ELAVL4: variants seen among roughly 807,000 people sequenced by gnomAD.
ELAVL4 encodes the protein ELAV-like protein 4.
In ELAVL4, 1 loss-of-function variant was observed where a neutral mutation model predicts 35.6. The ratio of observed to expected loss-of-function variants is 0.03; its 90% CI spans 0.01 to 0.13. The LOEUF (loss-of-function observed/expected upper bound fraction) is 0.13. Ranked by LOEUF, ELAVL4 falls within the 10% of genes least tolerant of loss-of-function variation. ELAVL4 has a pLI of 1.00. For synonymous variants in ELAVL4, 156 were observed against 171.0 expected (o/e 0.91, Z 0.69); for missense variants, 267 against 464.9 (o/e 0.57, Z 3.91).
chr1:50,055,082 AT>A (rs1354201687), intron 1 of ELAVL4, among the ~76,000 whole-genome samples: 1 of 152,152 alleles, frequency 6.6e-6, no homozygotes, highest in Non-Finnish European at 1.5e-5. Context: ...ACTTATCTTC[AT>A]TAAATCCTGC....
At chr1:50,092,891 A>G (rs1665556426) in intron 1 of ELAVL4, among the ~76,000 whole-genome samples, 1 of 152,194 alleles carries the variant, frequency 6.6e-6, no homozygotes, top group Non-Finnish European at 1.5e-5. Flanking sequence ...GAAGCTAGTA[A>G]TCACAATTCA....
chr1:50,103,402 T>C (rs1000725024), upstream of ELAVL4, among the ~76,000 whole-genome samples: 2 of 151,716 alleles, frequency 1.3e-5, no homozygotes, highest in African/African-American at 2.4e-5. Flanking sequence ...CATTTTCCTA[T>C]AAAAATTGAT....
At chr1:50,167,706 T>C (rs1475387939) in intron 2 of ELAVL4, among the ~76,000 whole-genome samples, 1 of 152,074 alleles carries the variant, frequency 6.6e-6, no homozygotes, top group African/African-American at 2.4e-5. Context: ...ATGACAGGGG[T>C]GGCTGGGGAA....
chr1:50,141,429 G>T (rs1001593782), intron 1 of ELAVL4, among the ~76,000 whole-genome samples: 3 of 152,066 alleles, frequency 2.0e-5, no homozygotes, highest in Non-Finnish European at 4.4e-5. Flanking sequence ...GTTCATTATC[G>T]AGTTGGCAGT....
At chr1:50,108,485 G>A (rs942944207), upstream of ELAVL4, among the ~76,000 whole-genome samples, 11 of 152,004 alleles carry the variant, frequency 7.2e-5, no homozygotes, top group South Asian at 4.2e-4. Context: ...TATGCATTTC[G>A]CTAGAAAGCA....
Position 50,109,027 on chromosome 1 carries a change from C to G in ELAVL4, c.-163C>G. 1 of 893,484 alleles carries G rather than the reference C, an allele frequency of 1.1e-6. No individual in the cohort carries two copies. The highest frequency in any genetic ancestry group is 1.3e-6 in the Non-Finnish European group (1 of 747,936). 55.3% of individuals were successfully genotyped at this position (893,484 alleles called of 1,614,324 possible). On this transcript the variant is annotated 5_prime_UTR_variant, in exon 1 of 7. Transcript: ENST00000371824. ...TTTTTTCTTTCTCTCCCCCGCCCAC[C>G]CCCCCAAAAATAATTGATTTGCTTT...
chr1:50,157,426 C>A (rs1195121488), intron 2 of ELAVL4, among the ~76,000 whole-genome samples: 1 of 152,108 alleles, frequency 6.6e-6, no homozygotes, highest in Non-Finnish European at 1.5e-5. Context: ...ACCCTTAAAC[C>A]CCCTGTGATA....
intron 1 of ELAVL4, among the ~76,000 whole-genome samples, chr1:50,129,056 T>C (rs1009681292): frequency 1.3e-5 from 2 of 152,092 alleles, no homozygotes; most frequent in Admixed American, 6.6e-5. Flanking sequence ...ACTTACAAAA[T>C]CCTCTGAGTC....
chr1:50,064,083 A>G (rs1664139232), intron 1 of ELAVL4, among the ~76,000 whole-genome samples: 1 of 152,164 alleles, frequency 6.6e-6, no homozygotes, highest in African/African-American at 2.4e-5. Flanking sequence ...CAGGAGCAGC[A>G]TGGGTGTGTA....
intron 1 of ELAVL4, among the ~76,000 whole-genome samples, chr1:50,068,500 C>T (rs1664369909): frequency 6.6e-6 from 1 of 152,120 alleles, no homozygotes; most frequent in Non-Finnish European, 1.5e-5. Flanking sequence ...TTGTTAAAGC[C>T]TGGTCAACTG....
intron 1 of ELAVL4, among the ~76,000 whole-genome samples, chr1:50,093,606 C>T (rs1028816151): frequency 2.6e-5 from 4 of 152,158 alleles, no homozygotes; most frequent in African/African-American, 7.2e-5. Flanking sequence ...CTTGCACTCT[C>T]AAAAATATCT....
At chr1:50,102,638 C>T (rs1020759133), upstream of ELAVL4, among the ~76,000 whole-genome samples, 1 of 152,132 alleles carries the variant, frequency 6.6e-6, no homozygotes, top group Non-Finnish European at 1.5e-5. Context: ...GTATGAATAG[C>T]TACTCCATAC....
At chr1:50,115,698 C>G (rs1667828227) in intron 1 of ELAVL4, among the ~76,000 whole-genome samples, 1 of 152,104 alleles carries the variant, frequency 6.6e-6, no homozygotes, top group South Asian at 2.1e-4. Flanking sequence ...AGCATTGAAT[C>G]TTCTCCTGCT....
chr1:50,157,177 G>A (rs554890233), intron 2 of ELAVL4, among the ~76,000 whole-genome samples: 33 of 152,260 alleles, frequency 2.2e-4, no homozygotes, highest in African/African-American at 7.2e-4. Context: ...GTGGTAACAT[G>A]ATAAAGTGGA....
At chr1:50,090,450 T>C (rs573499439) in intron 1 of ELAVL4, among the ~76,000 whole-genome samples, 1 of 152,252 alleles carries the variant, frequency 6.6e-6, no homozygotes. Flanking sequence ...CTTAGTCTAG[T>C]ATTGCAATTG....
intron 1 of ELAVL4, among the ~76,000 whole-genome samples, chr1:50,121,712 T>A (rs1282931927): frequency 1.3e-5 from 2 of 152,096 alleles, no homozygotes; most frequent in Non-Finnish European, 1.5e-5. Context: ...TAGTATCTTC[T>A]GAGTTATTAA....
chr1:50,050,489 T>G (rs966086931), intron 1 of ELAVL4, among the ~76,000 whole-genome samples: 1 of 152,196 alleles, frequency 6.6e-6, no homozygotes, highest in Non-Finnish European at 1.5e-5. Context: ...ATCAATAAAG[T>G]TCATGCTTAA....
Position 50,109,082 on chromosome 1 carries a change from T to C in ELAVL4, c.-108T>C. The C allele has an allele frequency of 7.9e-7, 1 of 1,261,704 alleles. No homozygotes were observed. 78.2% of individuals were successfully genotyped at this position (1,261,704 alleles called of 1,614,324 possible). A position where few individuals can be genotyped will look rare whatever the true frequency, so the allele number is the denominator to read the frequency against. On this transcript the variant is annotated 5_prime_UTR_variant, in exon 1 of 7. Transcript: ENST00000371824. ...TCATCCACACTGTGTTTTGTGGATC[T>C]TTAATTATATATAACAATAGTAGTC...
chr1:50,063,074 C>A (rs1230421180), intron 1 of ELAVL4, among the ~76,000 whole-genome samples: 2 of 152,150 alleles, frequency 1.3e-5, no homozygotes, highest in Non-Finnish European at 1.5e-5. Context: ...GTCCTCTAGA[C>A]CCCTCCAGTT....
Sources: allele counts gnomAD v4.1 joint callset (sites outside exome capture counted in the v4.1 genomes callset), GRCh38; gene constraint gnomAD v4.1.1; transcripts MANE v1.5; gene names NCBI Gene and HGNC (gene_info 2026-07-23, HGNC 2026-07-21).